The following RPS6KC1 variants were observed in gnomAD, a reference collection of about 807,000 sequenced individuals.
RPS6KC1 encodes inactive ribosomal protein S6 kinase delta-1.
Under a neutral mutation model 103.8 loss-of-function variants are expected in RPS6KC1, and 54 were observed. The observed-to-expected ratio is 0.52, with a 90% CI of 0.42 to 0.65. RPS6KC1 has a LOEUF of 0.65. Among genes scored for constraint, RPS6KC1 ranks in the 30% least tolerant of loss-of-function variants. The pLI is 0.00. For missense variants in RPS6KC1, 1,151 were observed against 1,253.8 expected, an observed-to-expected ratio of 0.92 and a Z score of 1.24; for synonymous variants, 439 against 438.7, an observed-to-expected ratio of 1.00 and a Z score of -0.01.
chr1:213,196,721 C>T (rs769578833), intron 8 of RPS6KC1, among the ~76,000 whole-genome samples: 5 of 152,150 alleles, frequency 3.3e-5, no homozygotes, highest in Non-Finnish European at 7.3e-5. Flanking sequence ...TATCCCAGCA[C>T]CATTTGTTGA....
the RPS6KC1 span, among the ~76,000 whole-genome samples, chr1:213,627,142 G>A: frequency 0.067 from 10,168 of 152,104 alleles, 541 homozygotes; most frequent in African/African-American, 0.14. Context: ...GGTCCTTCAC[G>A]TCCCTTGTAA....
At chr1:213,171,812 A>G (rs532318103) in intron 7 of RPS6KC1, among the ~76,000 whole-genome samples, 1 of 152,340 alleles carries the variant, frequency 6.6e-6, no homozygotes, top group South Asian at 2.1e-4. Context: ...AATGTGACCT[A>G]GTGCGGCTCA....
the RPS6KC1 span, among the ~76,000 whole-genome samples, chr1:213,647,155 C>A: frequency 6.6e-6 from 1 of 151,982 alleles, no homozygotes; most frequent in Non-Finnish European, 1.5e-5. Context: ...AGGTGATCTA[C>A]CTGCCTCTGC....
intron 1 of RPS6KC1, among the ~76,000 whole-genome samples, chr1:213,061,486 A>G (rs2077835662): frequency 6.6e-6 from 1 of 151,990 alleles, no homozygotes; most frequent in South Asian, 2.1e-4. Flanking sequence ...AGCGGGAGAG[A>G]AGAACTCAGG....
chr1:213,734,437 T>A, the RPS6KC1 span, among the ~76,000 whole-genome samples: 165 of 93,840 alleles, frequency 1.8e-3, no homozygotes, highest in Non-Finnish European at 3.3e-3. Flanking sequence ...TTACAAGGCC[T>A]CCCGCCAAAA....
chr1:213,547,695 A>G, the RPS6KC1 span, among the ~76,000 whole-genome samples: 27 of 152,248 alleles, frequency 1.8e-4, no homozygotes, highest in South Asian at 4.2e-4. Flanking sequence ...TCAAGATCCA[A>G]TTGTTGAAAG....
At chr1:213,425,379 A>G in the RPS6KC1 span, among the ~76,000 whole-genome samples, 1 of 152,142 alleles carries the variant, frequency 6.6e-6, no homozygotes, top group Non-Finnish European at 1.5e-5. Flanking sequence ...CTATGCTTTT[A>G]GTAATGAAGA....
chr1:213,567,447 A>G, the RPS6KC1 span, among the ~76,000 whole-genome samples: 2 of 152,184 alleles, frequency 1.3e-5, no homozygotes, highest in Admixed American at 1.3e-4. Context: ...CAGCTCTCCC[A>G]CAGGCAGCTG....
the RPS6KC1 span, among the ~76,000 whole-genome samples, chr1:213,295,374 T>C: frequency 6.6e-6 from 1 of 152,174 alleles, no homozygotes; most frequent in Non-Finnish European, 1.5e-5. Context: ...TAGTTAATGA[T>C]CTCTAAGATT....
chr1:213,650,247 C>T, the RPS6KC1 span, among the ~76,000 whole-genome samples: 1 of 152,170 alleles, frequency 6.6e-6, no homozygotes, highest in African/African-American at 2.4e-5. Context: ...AATGCATTCA[C>T]ACCTCAATAG....
the RPS6KC1 span, among the ~76,000 whole-genome samples, chr1:213,496,081 A>G: frequency 6.6e-6 from 1 of 152,172 alleles, no homozygotes; most frequent in Non-Finnish European, 1.5e-5. Context: ...ACTTTAGCAC[A>G]CTGTTGAAAA....
the RPS6KC1 span, among the ~76,000 whole-genome samples, chr1:213,783,815 C>CAAAAAAA: frequency 3.4e-3 from 224 of 65,962 alleles, 3 homozygotes; most frequent in East Asian, 0.011. Context: ...AAGATGTTGC[C>CAAAAAAA]AAAAAAAAAA....
intron 8 of RPS6KC1, among the ~76,000 whole-genome samples, chr1:213,177,019 G>C (rs1401487538): frequency 1.3e-5 from 2 of 152,134 alleles, no homozygotes; most frequent in African/African-American, 4.8e-5. Flanking sequence ...AGCTAATTTA[G>C]GATGGTGCTG....
chr1:213,281,639 G>C, the RPS6KC1 span, among the ~76,000 whole-genome samples: 1 of 152,206 alleles, frequency 6.6e-6, no homozygotes, highest in Non-Finnish European at 1.5e-5. Context: ...AGAGCAGGGA[G>C]CGACAGCCAT....
the RPS6KC1 span, among the ~76,000 whole-genome samples, chr1:213,348,446 C>A: frequency 6.6e-6 from 1 of 152,160 alleles, no homozygotes; most frequent in Non-Finnish European, 1.5e-5. Flanking sequence ...GGGTGCTCTG[C>A]AAAACTGTTC....
chr1:213,363,759 CTTCTTTCTTTCTTTCTTTCTTTCTTTCT>C, the RPS6KC1 span, among the ~76,000 whole-genome samples: 69 of 56,630 alleles, frequency 1.2e-3, 11 homozygotes, highest in African/African-American at 5.3e-3. Flanking sequence ...CTCTTTCTCT[CTTCTTTCTTTCTTTCTTTCTTTCTTTCT>C]TTCTTTCTTT....
chr1:213,482,850 T>G, the RPS6KC1 span, among the ~76,000 whole-genome samples: 3 of 152,084 alleles, frequency 2.0e-5, no homozygotes, highest in Non-Finnish European at 4.4e-5. Flanking sequence ...AACAACCACC[T>G]TGTGTTTTTT....
the RPS6KC1 span, among the ~76,000 whole-genome samples, chr1:213,322,386 A>C: frequency 6.6e-6 from 1 of 152,214 alleles, no homozygotes; most frequent in African/African-American, 2.4e-5. Context: ...GTGCCATAGG[A>C]GGATTTTGGG....
chr1:213,148,541 T>C (rs1190898246), intron 6 of RPS6KC1, among the ~76,000 whole-genome samples: 1 of 152,204 alleles, frequency 6.6e-6, no homozygotes, highest in Non-Finnish European at 1.5e-5. Context: ...CTGGTCATGA[T>C]GTGTGATCTT....
Sources: gnomAD v4.1 joint callset for allele counts (sites outside exome capture counted in the v4.1 genomes callset) on GRCh38, gnomAD v4.1.1 for gene constraint, MANE v1.5 for transcripts, NCBI Gene and HGNC (gene_info 2026-07-23, HGNC 2026-07-21) for gene names.